Variants in MSH6 observed in about 807,000 individuals in gnomAD.
MSH6 encodes mutS homolog 6, also known as DNA mismatch repair protein Msh6.
In MSH6, 85 loss-of-function variants were observed where a neutral mutation model predicts 119.1. The ratio of observed to expected loss-of-function variants is 0.71; its 90% CI spans 0.60 to 0.85. The LOEUF (loss-of-function observed/expected upper bound fraction) is 0.85. Among genes scored for constraint, MSH6 ranks in the 40% least tolerant of loss-of-function variants. The pLI is 0.00. For missense variants in MSH6, 2,163 were observed against 1,655.3 expected (o/e 1.31, Z -5.32); for synonymous variants, 830 against 586.9 (o/e 1.41, Z -5.99).
intron 1 of MSH6, among the ~76,000 whole-genome samples, chr2:47,788,922 G>GGTTTTTTTTTTTTTTTTTTT (rs1668540812): frequency 2.4e-5 from 1 of 40,932 alleles, no homozygotes; most frequent in Non-Finnish European, 4.2e-5. Flanking sequence ...TTTTTTTTTT[G>GGTTTTTTTTTTTTTTTTTTT]TTTTTTTTTT....
At chr2:47,795,508 C>T (rs1052526440) in intron 2 of MSH6, among the ~76,000 whole-genome samples, 26 of 150,796 alleles carry the variant, frequency 1.7e-4, no homozygotes, top group African/African-American at 6.1e-4. Flanking sequence ...CACTGTCGCC[C>T]AGGCTGGAGT....
In MSH6 at chr2:47,800,942, A is replaced by C. The variant is rs746631156; in HGVS notation, c.2959A>C (p.Thr987Pro). The C allele has an allele frequency of 6.4e-7, 1 of 1,574,244 alleles. No individual in the cohort carries two copies. Among genetic ancestry groups the C allele is most frequent in the Non-Finnish European group, 8.6e-7 (1 of 1,161,664 alleles). The change falls in exon 4 of 10, where the codon ACT becomes CCT. Residue 987 changes from threonine to proline, a missense_variant. Thr to Pro is a conservative substitution (Grantham distance 38). Transcript: ENST00000234420. ...YQLEIPENFT[T>P]RNLPEEYELK... ...GCTGGAAATTCCTGAGAATTTCACC[A>C]CTCGCAATTTGCCAGAAGAATACGA... is the stretch of plus-strand genomic sequence containing the variant.
At position 47,806,279 on chromosome 2, in the gene MSH6, GTCGTACATTATTT is replaced by G. The variant is rs587779287; in HGVS notation, c.3725_3737del (p.Arg1242GlnfsTer7). On this transcript the variant is annotated frameshift_variant, in exon 8 of 10. Coordinates refer to ENST00000234420, the MANE Select transcript of MSH6 (RefSeq NM_000179.3). LOFTEE classifies it high-confidence loss of function. Reference sequence around the variant, plus strand: ...AAAGAACTTGCTGAGACTATAAAATGTCGTACATTATTTTCAACTCACTACCATTCATTAGTAG... The same window carrying G: ...AAAGAACTTGCTGAGACTATAAAATGTCAACTCACTACCATTCATTAGTAG... 1.2e-6 allele frequency: 2 copies of G among 1,614,042 alleles called. No homozygotes were observed. The highest frequency in any genetic ancestry group is 1.7e-6 in the Non-Finnish European group (2 of 1,179,924).
rs531963943 is a variant in MSH6 at position 47,788,570 on chromosome 2, C to CTTTTTT, written c.261-2345_261-2340dup. 1.4e-3 allele frequency among the ~76,000 whole-genome samples: 144 copies of CTTTTTT among 104,754 alleles called. 1 individual carries two copies. The highest frequency in any genetic ancestry group is 7.7e-3 in the Middle Eastern group (1 of 130). The allele number at this position is 104,754 out of a possible 152,430, so 68.7% of individuals were successfully genotyped here. On this transcript the variant is annotated intron_variant, in intron 1 of 9. Transcript: ENST00000234420. Reference sequence around the variant, plus strand: ...GCCCAGCCTTTTTCTTTTTCTTTTTCTTTTTTTTTTTTTTTTTGAGACGGA... The same window carrying CTTTTTT: ...GCCCAGCCTTTTTCTTTTTCTTTTTCTTTTTTTTTTTTTTTTTTTTTTTGAGACGGA...
chr2:47,799,044 G>T lies in MSH6; in HGVS notation c.1061G>T (p.Gly354Val), dbSNP rs730881788. The T allele has an allele frequency of 3.1e-5, 50 of 1,614,086 alleles. No homozygotes were observed. Among genetic ancestry groups the T allele is most frequent in the Non-Finnish European group, 4.2e-5 (49 of 1,180,056 alleles). ...TCTGAATCCCAAGCCCACGTTAGTG[G>T]AGGTGGTGATGACAGTAGTCGCCCT... ...QNSESQAHVS[G>V]GGDDSSRPTV... is the part of the protein sequence containing the mutation. The change falls in exon 4 of 10, where the codon GGA becomes GTA. Residue 354 changes from glycine to valine, a missense_variant. Coordinates refer to ENST00000234420, the MANE Select transcript of MSH6 (RefSeq NM_000179.3).
chr2:47,791,162 G>A (rs748640117), intron 2 of MSH6, 39 bp downstream of exon 2: 1 of 1,553,832 alleles, frequency 6.4e-7, no homozygotes, highest in South Asian at 1.1e-5. Context: ...GTTTGTGTGT[G>A]TGTGTGTGTG....
rs550120121 is a variant in MSH6, at chr2:47,783,504, G to C, written c.260+11G>C. On this transcript the variant is annotated intron_variant, in intron 1 of 9. Transcript: ENST00000234420. ...TGCTGCCCCCACCAGGTAGCGGGGT[G>C]GGGGTGGGGTCGAAGGCGGGGGCAT... 4.2e-6 allele frequency: 6 copies of C among 1,425,848 alleles called. No homozygotes were observed. In the African/African-American group the frequency reaches 9.0e-5, roughly 22 times the overall value. The allele number at this position is 1,425,848 out of a possible 1,614,324, so 88.3% of individuals were successfully genotyped here.
rs779035516 is a variant in MSH6, at chr2:47,799,819, A to G, written c.1836A>G (p.Ser612=). The G allele has an allele frequency of 8.1e-6, 13 of 1,614,088 alleles. No individual in the cohort carries two copies. The South Asian group carries it at 1.1e-4, about 14-fold the overall frequency. The change falls in exon 4 of 10, where the codon TCA becomes TCG. Residue 612 remains serine, a synonymous_variant. Coordinates refer to ENST00000234420, the MANE Select transcript of MSH6 (RefSeq NM_000179.3). ...AAACTAAAACAATTCTAAAGAGTTC[A>G]TTGTCCTGTTCTCTTCAGGAAGGTC... The part of the protein sequence containing the change: ...SKETKTILKS[S]LSCSLQEGLI...
At chr2:47,808,318 G>A (rs1670369024), downstream of MSH6, 1 of 1,612,366 alleles carries the variant, frequency 6.2e-7, no homozygotes, top group Non-Finnish European at 8.5e-7. Flanking sequence ...TCAAGCAAGT[G>A]TGCTACATAC....
rs369583604 is a variant in MSH6, at chr2:47,804,995, C to G, written c.3524C>G (p.Thr1175Ser). Residue 1175 changes from threonine (T) to serine (S), a missense_variant, in exon 6 of 10, where the codon ACT becomes AGT. Thr to Ser is a moderately conservative substitution (Grantham distance 58, BLOSUM62 1). Coordinates refer to ENST00000234420, the MANE Select transcript of MSH6 (RefSeq NM_000179.3). ...CRLTPIDRVF[T>S]RLGASDRIMS... is the part of the protein sequence containing the mutation. The stretch of plus-strand genomic sequence containing the variant: ...CTCACACCAATTGATAGAGTGTTTA[C>G]TAGACTTGGTGCCTCAGACAGAATA... 3.1e-6 allele frequency: 5 copies of G among 1,613,944 alleles called. No individual in the cohort carries two copies. The highest frequency in any genetic ancestry group is 1.3e-5 in the African/African-American group (1 of 75,044).
chr2:47,796,046 G>C lies in MSH6; in HGVS notation c.610G>C (p.Glu204Gln). 6.2e-7 allele frequency: 1 copy of C among 1,614,152 alleles called. No homozygotes were observed. Among genetic ancestry groups the C allele is most frequent in the Non-Finnish European group, 8.5e-7 (1 of 1,180,028 alleles). The change falls in exon 3 of 10, where the codon GAG becomes CAG. Residue 204 changes from glutamate to glutamine, a missense_variant. Glu to Gln is a conservative substitution (Grantham distance 29). Coordinates refer to ENST00000234420, the MANE Select transcript of MSH6 (RefSeq NM_000179.3). ...TTGTGATGAGCCCTCAGAGCCAGAA[G>C]AGGAAGAAGAGATGGAGGTGGGACA... Reference protein sequence around the residue: ...AVCDEPSEPEEEEEMEVGTTY... With the variant: ...AVCDEPSEPEQEEEMEVGTTY...
chr2:47,787,578 C>G (rs888170738), intron 1 of MSH6, among the ~76,000 whole-genome samples: 1 of 152,090 alleles, frequency 6.6e-6, no homozygotes, highest in Non-Finnish European at 1.5e-5. Context: ...TTTAAAAGCA[C>G]TTGCAAAATC....
At chr2:47,806,146 TTCCTTTTTTGTTTTAA>T in intron 7 of MSH6, 42 bp from the exon 8 acceptor site, 2 of 1,264,160 alleles carry the variant, frequency 1.6e-6, no homozygotes, top group Non-Finnish European at 2.2e-6. Context: ...TTTGTTTTAA[TTCCTTTTTTGTTTTAA>T]TTCCTTTGAG....
intron 4 of MSH6, among the ~76,000 whole-genome samples, chr2:47,802,534 G>T (rs1047831997): frequency 1.3e-5 from 2 of 151,026 alleles, no homozygotes; most frequent in African/African-American, 4.9e-5. Flanking sequence ...TTTTTCCCGT[G>T]TTGGCCAGGC....
rs1572728112 is a variant in MSH6, at chr2:47,800,654, ATC to A, written c.2677_2678del (p.Leu893AlafsTer6). 1.2e-6 allele frequency: 2 copies of A among 1,614,212 alleles called. No homozygotes were observed. Among genetic ancestry groups the A allele is most frequent in the Non-Finnish European group, 1.7e-6 (2 of 1,180,036 alleles). On this transcript the variant is annotated frameshift_variant, in exon 4 of 10. Coordinates refer to ENST00000234420, the MANE Select transcript of MSH6 (RefSeq NM_000179.3). LOFTEE classifies it high-confidence loss of function. ...GFKSKILKQV[I>X]SLQTKNPEGR... ...TAAGTCTAAAATCCTTAAGCAGGTC[ATC>A]TCTCTGCAGACAAAAAATCCTGAAG... is the stretch of plus-strand genomic sequence containing the variant.
intron 4 of MSH6, among the ~76,000 whole-genome samples, chr2:47,803,106 C>T (rs757341088): frequency 3.3e-5 from 5 of 152,054 alleles, no homozygotes; most frequent in African/African-American, 9.7e-5. Flanking sequence ...TTAGTAGAGA[C>T]GAGGTTTCAC....
chr2:47,783,331 G>T lies in MSH6; in HGVS notation c.98G>T (p.Arg33Leu), dbSNP rs878853751. ...GCCAGGGCCTCACGCGAAGGCGGCC[G>T]TGCCGCCGCTGCCCCCGGGGCCTCT... ...ASARASREGGRAAAAPGASPS... is the reference protein window; with the variant it reads ...ASARASREGGLAAAAPGASPS... Residue 33 changes from arginine (R) to leucine (L), a missense_variant, in exon 1 of 10, where the codon CGT (arginine) becomes CTT (leucine). By Grantham distance (102) the Arg-to-Leu change is moderately radical. Coordinates refer to ENST00000234420, the MANE Select transcript of MSH6 (RefSeq NM_000179.3). 1.9e-6 allele frequency: 3 copies of T among 1,609,888 alleles called. No individual in the cohort carries two copies. The highest frequency in any genetic ancestry group is 2.5e-6 in the Non-Finnish European group (3 of 1,178,498).
At chr2:47,803,314 G>A in intron 4 of MSH6, 106 bp from the exon 5 acceptor site, 1 of 1,450,220 alleles carries the variant, frequency 6.9e-7, no homozygotes, top group Non-Finnish European at 9.6e-7. Flanking sequence ...GTAATTGAAA[G>A]TTATGTCTTA....
chr2:47,807,121 A>G, downstream of MSH6: 1 of 472,818 alleles, frequency 2.1e-6, no homozygotes, highest in Non-Finnish European at 3.8e-6. Context: ...TAAATGGGGG[A>G]GGAAAAGCTA....
Sources: allele counts gnomAD v4.1 joint callset (sites outside exome capture counted in the v4.1 genomes callset), GRCh38; gene constraint gnomAD v4.1.1; transcripts MANE v1.5; gene names NCBI Gene and HGNC (gene_info 2026-07-23, HGNC 2026-07-21).